Variants in TPD52L1 observed in about 807,000 individuals in gnomAD.
The protein encoded by TPD52L1 is tumor protein D53.
TPD52L1 carries 18 observed loss-of-function variants against 28.7 expected under a neutral mutation model. The ratio of observed to expected loss-of-function variants is 0.63; its 90% CI spans 0.43 to 0.93. The LOEUF is 0.93. TPD52L1 is among the 40% of genes least tolerant of loss of function. TPD52L1 has a pLI of 0.00. For missense variants in TPD52L1, 203 were observed against 254.8 expected (o/e 0.80, Z 1.39); for synonymous variants, 75 against 88.8 (o/e 0.84, Z 0.88).
chr6:125,189,775 A>C (rs1388206063), intron 1 of TPD52L1, among the ~76,000 whole-genome samples: 3 of 152,158 alleles, frequency 2.0e-5, no homozygotes, highest in Non-Finnish European at 4.4e-5. Context: ...CAAATCTGAT[A>C]CTGAAGGAAC....
At chr6:125,257,182 T>A in intron 6 of TPD52L1, 24 bp downstream of exon 6, 4 of 1,599,216 alleles carry the variant, frequency 2.5e-6, no homozygotes, top group Non-Finnish European at 3.4e-6. Context: ...GAATTCTGTG[T>A]GAGTGGGTCC....
chr6:125,172,124 CTTTCTTT>C lies in TPD52L1; in HGVS notation c.19+18155_19+18161del, dbSNP rs1562210477. Among the ~76,000 whole-genome samples, 42 of 60,020 alleles carry C rather than the reference CTTTCTTT, an allele frequency of 7.0e-4. 1 individual carries two copies. Among genetic ancestry groups the C allele is most frequent in the African/African-American group, 3.5e-3 (39 of 11,048 alleles). 39.4% of individuals were successfully genotyped at this position (60,020 alleles called of 152,430 possible). On this transcript the variant is annotated intron_variant, in intron 1 of 6. Coordinates refer to ENST00000534000, the MANE Select transcript of TPD52L1 (RefSeq NM_003287.4). ...CCTTTCTTTCTTTCTTTCTTTCTTT[CTTTCTTT>C]CTTTCTTTCTTTCTTTCTTTCTTTC...
chr6:125,187,661 G>A (rs370584075), intron 1 of TPD52L1, among the ~76,000 whole-genome samples: 42 of 152,258 alleles, frequency 2.8e-4, no homozygotes, highest in Non-Finnish European at 4.9e-4. Context: ...AGATGGAGAG[G>A]AGTTTATAGA....
At chr6:125,205,865 C>T (rs2114914285) in intron 1 of TPD52L1, among the ~76,000 whole-genome samples, 1 of 152,298 alleles carries the variant, frequency 6.6e-6, no homozygotes, top group African/African-American at 2.4e-5. Flanking sequence ...TTGTTGACCT[C>T]TATATGTAAT....
At chr6:125,172,013 A>G (rs1204018193) in intron 1 of TPD52L1, among the ~76,000 whole-genome samples, 1 of 149,194 alleles carries the variant, frequency 6.7e-6, no homozygotes, top group African/African-American at 2.5e-5. Flanking sequence ...TTAAAACGGT[A>G]CCCTTCCCCT....
intron 3 of TPD52L1, among the ~76,000 whole-genome samples, chr6:125,244,681 C>CA (rs1796815028): frequency 6.6e-6 from 1 of 152,178 alleles, no homozygotes. Flanking sequence ...TAGGTGCCTC[C>CA]ATTCTTCTGG....
At chr6:125,255,109 A>G (rs1014281078) in intron 5 of TPD52L1, among the ~76,000 whole-genome samples, 2 of 152,138 alleles carry the variant, frequency 1.3e-5, no homozygotes, top group Admixed American at 6.6e-5. Flanking sequence ...TTACTTGTCA[A>G]ATTTTAAATC....
rs546128229 is a variant in TPD52L1 at position 125,201,327 on chromosome 6, C to T, written c.20-18751C>T. Reference sequence around the variant, plus strand: ...TCAAGACTTAAAGTGCTTTGGGGGTCGCAACAACTTTTGCATTATATTTAT... The same window carrying T: ...TCAAGACTTAAAGTGCTTTGGGGGTTGCAACAACTTTTGCATTATATTTAT... On this transcript the variant is annotated intron_variant, in intron 1 of 6. Coordinates refer to ENST00000534000, the MANE Select transcript of TPD52L1 (RefSeq NM_003287.4). 5.9e-5 allele frequency among the ~76,000 whole-genome samples: 9 copies of T among 152,160 alleles called. No individual in the cohort carries two copies. In the East Asian group the frequency reaches 1.2e-3, roughly 20 times the overall value.
chr6:125,226,677 G>A (rs3799743), intron 2 of TPD52L1, among the ~76,000 whole-genome samples: 21,968 of 147,842 alleles, frequency 0.15, 1,965 homozygotes, highest in East Asian at 0.29. Context: ...CACCCCCGCC[G>A]AGAAAAAACC....
chr6:125,182,178 A>G (rs1176787230), intron 1 of TPD52L1, among the ~76,000 whole-genome samples: 1 of 152,190 alleles, frequency 6.6e-6, no homozygotes, highest in Non-Finnish European at 1.5e-5. Flanking sequence ...ATTTATAAAC[A>G]TATATTACTT....
At chr6:125,214,442 G>T in intron 1 of TPD52L1, 2 of 984,332 alleles carry the variant, frequency 2.0e-6, no homozygotes, top group Non-Finnish European at 2.4e-6. Flanking sequence ...CAGGGATAGA[G>T]CCAGAGGCAC....
At chr6:125,172,104 CTTT>C (rs747294532) in intron 1 of TPD52L1, among the ~76,000 whole-genome samples, 19,262 of 68,552 alleles carry the variant, frequency 0.28, 2,031 homozygotes, top group African/African-American at 0.37. Context: ...CTTTCCCTTT[CTTT>C]CTTTCTTTCT....
chr6:125,251,857 G>A (rs1363077117), intron 4 of TPD52L1, among the ~76,000 whole-genome samples: 1 of 152,192 alleles, frequency 6.6e-6, no homozygotes, highest in African/African-American at 2.4e-5. Flanking sequence ...AAAATGATTT[G>A]TCAGAGACAT....
At chr6:125,203,498 C>T (rs1034744188) in intron 1 of TPD52L1, 6 of 356,458 alleles carry the variant, frequency 1.7e-5, no homozygotes, top group African/African-American at 1.3e-4. Flanking sequence ...ATGCTTTAAT[C>T]TTATATTTGA....
chr6:125,244,927 G>A (rs889110978), intron 3 of TPD52L1, among the ~76,000 whole-genome samples: 30 of 152,206 alleles, frequency 2.0e-4, no homozygotes, highest in African/African-American at 6.8e-4. Flanking sequence ...CTTTGATGTA[G>A]TGCTCGCCCC....
intron 3 of TPD52L1, among the ~76,000 whole-genome samples, chr6:125,246,937 A>C (rs535501259): frequency 1.3e-5 from 2 of 152,094 alleles, no homozygotes; most frequent in Non-Finnish European, 2.9e-5. Flanking sequence ...TCCTAAAAAA[A>C]CATTGTGTTA....
intron 4 of TPD52L1, 104 bp from the exon 5 acceptor site, chr6:125,253,613 T>C: frequency 9.7e-7 from 1 of 1,036,042 alleles, no homozygotes; most frequent in Non-Finnish European, 1.5e-6. Context: ...ATTTCAGATA[T>C]TTGGAATTGC....
At chr6:125,192,692 T>C (rs2114864319) in intron 1 of TPD52L1, among the ~76,000 whole-genome samples, 1 of 152,328 alleles carries the variant, frequency 6.6e-6, no homozygotes, top group Admixed American at 6.5e-5. Context: ...AAGGGAACAT[T>C]AGTCGTGGTT....
At chr6:125,172,057 TTCTC>T (rs1471082594) in intron 1 of TPD52L1, among the ~76,000 whole-genome samples, 1 of 147,396 alleles carries the variant, frequency 6.8e-6, no homozygotes, top group Non-Finnish European at 1.5e-5. Context: ...CCCACCTTCT[TTCTC>T]TTCTTTCTTT....
Sources: allele counts gnomAD v4.1 joint callset (sites outside exome capture counted in the v4.1 genomes callset), GRCh38; gene constraint gnomAD v4.1.1; transcripts MANE v1.5; gene names NCBI Gene and HGNC (gene_info 2026-07-23, HGNC 2026-07-21).